The following DYNC1I2 variants were observed in gnomAD, a reference collection of about 807,000 sequenced individuals.
DYNC1I2 encodes dynein cytoplasmic 1 intermediate chain 2.
Under a neutral mutation model 88.6 loss-of-function variants are expected in DYNC1I2, and 53 were observed. The ratio of observed to expected loss-of-function variants is 0.60; its 90% CI spans 0.48 to 0.75. DYNC1I2 has a LOEUF of 0.75. DYNC1I2 is among the 30% of genes least tolerant of loss of function. The pLI, the probability that DYNC1I2 is intolerant of heterozygous loss-of-function variation, is 0.00. For synonymous variants in DYNC1I2, 198 were observed against 254.6 expected (o/e 0.78, Z 2.12); for missense variants, 458 against 766.6 (o/e 0.60, Z 4.75).
chr2:171,748,901 C>G lies in DYNC1I2; in HGVS notation c.*1012C>G, dbSNP rs1689958303. Among the ~76,000 whole-genome samples, 1 of 152,136 alleles carries G rather than the reference C, an allele frequency of 6.6e-6. No individual in the cohort carries two copies. The highest frequency in any genetic ancestry group is 2.4e-5 in the African/African-American group (1 of 41,442). ...AGTCCGAAAGGTAGGTGACAAATAT[C>G]TAAGAATCAGTATTGAAATCAGTGA... On this transcript the variant is annotated 3_prime_UTR_variant, in exon 18 of 18. Transcript: ENST00000397119.
intron 7 of DYNC1I2, among the ~76,000 whole-genome samples, chr2:171,720,048 G>A (rs74920989): frequency 8.8e-6 from 1 of 113,278 alleles, no homozygotes; most frequent in Non-Finnish European, 2.0e-5. Flanking sequence ...TTTTTTTTTG[G>A]CTATTTTTTG....
At chr2:171,720,609 T>C (rs1205508048) in intron 7 of DYNC1I2, among the ~76,000 whole-genome samples, 1 of 152,096 alleles carries the variant, frequency 6.6e-6, no homozygotes, top group Non-Finnish European at 1.5e-5. Context: ...TGTCACATAC[T>C]TGTAATCCCA....
chr2:171,742,822 A>G (rs977192052), intron 15 of DYNC1I2, among the ~76,000 whole-genome samples: 16 of 152,124 alleles, frequency 1.1e-4, no homozygotes, highest in African/African-American at 3.1e-4. Context: ...CTGGCATTCT[A>G]CAACTTGGAT....
At chr2:171,734,201 G>T (rs1437923596) in intron 15 of DYNC1I2, among the ~76,000 whole-genome samples, 2 of 152,016 alleles carry the variant, frequency 1.3e-5, no homozygotes, top group African/African-American at 4.8e-5. Context: ...TACTCTCTCA[G>T]GGTGTCAGTT....
intron 3 of DYNC1I2, among the ~76,000 whole-genome samples, chr2:171,704,219 A>C (rs12185567): frequency 0.71 from 108,173 of 151,956 alleles, 38,828 homozygotes; most frequent in South Asian, 0.83. Context: ...CCTTGGAAGG[A>C]CAAGGTCTAA....
intron 15 of DYNC1I2, among the ~76,000 whole-genome samples, chr2:171,733,501 A>G (rs1025856123): frequency 8.1e-5 from 8 of 98,584 alleles, no homozygotes; most frequent in African/African-American, 2.8e-4. Flanking sequence ...CTTTTTAATA[A>G]TAGTCATTCT....
rs191837846 is a variant in DYNC1I2 at position 171,745,850 on chromosome 2, G to T, written c.1726G>T (p.Val576Leu). Reference protein sequence around the residue: ...SVEGNPALNRVRWTHSGREIA... With the variant: ...SVEGNPALNRLRWTHSGREIA... ...GGAGGGTAATCCTGCTCTTAATCGTGTGAGATGGACCCATTCTGGCAGAGA... is the reference window on the plus strand; with the variant it reads ...GGAGGGTAATCCTGCTCTTAATCGTTTGAGATGGACCCATTCTGGCAGAGA... Residue 576 changes from valine (V) to leucine (L), a missense_variant, in exon 17 of 18, where the codon GTG becomes TTG. This residue lies in a region of DYNC1I2 where 188 missense variants were observed against 300.4 expected (regional missense o/e 0.63). Transcript: ENST00000397119. 2.5e-5 allele frequency: 40 copies of T among 1,613,874 alleles called. No individual in the cohort carries two copies. The Admixed American group carries it at 5.0e-4, about 20-fold the overall frequency.
At chr2:171,742,067 G>GAA (rs71013069) in intron 15 of DYNC1I2, among the ~76,000 whole-genome samples, 3 of 130,924 alleles carry the variant, frequency 2.3e-5, no homozygotes, top group Non-Finnish European at 4.8e-5. Context: ...CGCGGTCTCA[G>GAA]AAAAAAAAAA....
At chr2:171,688,936 C>T (rs1386809478) in intron 1 of DYNC1I2, among the ~76,000 whole-genome samples, 1 of 151,976 alleles carries the variant, frequency 6.6e-6, no homozygotes, top group Non-Finnish European at 1.5e-5. Context: ...GATCATTAGG[C>T]AATAAGTCAA....
At chr2:171,745,763 G>A (rs1689734984) in intron 16 of DYNC1I2, 39 bp from the exon 17 acceptor site, 1 of 1,579,670 alleles carries the variant, frequency 6.3e-7, no homozygotes, top group Non-Finnish European at 8.6e-7. Context: ...AAATCTTGAT[G>A]AAACTTTTAA....
rs140583149 is a variant in DYNC1I2, at chr2:171,698,749, G to A, written c.226+5855G>A. On this transcript the variant is annotated intron_variant, in intron 3 of 17. Coordinates refer to ENST00000397119, the MANE Select transcript of DYNC1I2 (RefSeq NM_001378.3). ...CCGAGTGTGGTGGTGGGCGCCTGTG[G>A]TCCTAGCTACTTGGGAGGCTGAGAC... is the stretch of plus-strand genomic sequence containing the variant. 5.3e-3 allele frequency among the ~76,000 whole-genome samples: 807 copies of A among 152,100 alleles called. 5 individuals carry two copies. Among genetic ancestry groups the A allele is most frequent in the African/African-American group, 0.016 (677 of 41,486 alleles).
chr2:171,722,694 G>A lies in DYNC1I2; in HGVS notation c.512-2924G>A, dbSNP rs1379850222. On this transcript the variant is annotated intron_variant, in intron 7 of 17. Transcript: ENST00000397119. ...CATTTTTTAATCTGATGTTATTGAT[G>A]TTAGGCATTTTTGCCAAATATTTGG... Among the ~76,000 whole-genome samples, 6 of 152,120 alleles carry A rather than the reference G, an allele frequency of 3.9e-5. No homozygotes were observed. In the East Asian group the frequency reaches 9.6e-4, roughly 24 times the overall value.
At chr2:171,719,446 G>T (rs1687756339) in intron 7 of DYNC1I2, among the ~76,000 whole-genome samples, 1 of 152,168 alleles carries the variant, frequency 6.6e-6, no homozygotes, top group Non-Finnish European at 1.5e-5. Flanking sequence ...TACCCATCAC[G>T]TTAATACAGT....
intron 3 of DYNC1I2, among the ~76,000 whole-genome samples, chr2:171,702,592 A>G (rs1203395960): frequency 1.3e-5 from 2 of 152,208 alleles, no homozygotes; most frequent in Non-Finnish European, 2.9e-5. Context: ...GCATAGAAGT[A>G]TAAAAACACT....
At chr2:171,733,813 C>T (rs952974617) in intron 15 of DYNC1I2, among the ~76,000 whole-genome samples, 4 of 150,552 alleles carry the variant, frequency 2.7e-5, no homozygotes, top group African/African-American at 4.9e-5. Context: ...GGATCCCATT[C>T]GTCAAATTTT....
chr2:171,719,412 T>C (rs1687753265), intron 7 of DYNC1I2, among the ~76,000 whole-genome samples: 1 of 152,222 alleles, frequency 6.6e-6, no homozygotes, highest in Non-Finnish European at 1.5e-5. Context: ...ATGGAAACAC[T>C]GTGCGCTTAA....
At chr2:171,738,233 G>A (rs573715387) in intron 15 of DYNC1I2, among the ~76,000 whole-genome samples, 2 of 152,172 alleles carry the variant, frequency 1.3e-5, no homozygotes, top group African/African-American at 2.4e-5. Flanking sequence ...TCGGGAGGCT[G>A]AGGCAGGAGA....
At chr2:171,709,821 G>A (rs1280890575) in intron 5 of DYNC1I2, among the ~76,000 whole-genome samples, 5 of 152,102 alleles carry the variant, frequency 3.3e-5, no homozygotes, top group South Asian at 4.2e-4. Context: ...ACGTTCAAGC[G>A]ATTCTCCTGC....
At chr2:171,693,161 T>G (rs1685516977) in intron 3 of DYNC1I2, 4 of 383,828 alleles carry the variant, frequency 1.0e-5, no homozygotes, top group Non-Finnish European at 1.9e-5. Context: ...TCAACAAACA[T>G]TGGTTAAGCA....
Sources: gnomAD v4.1 joint callset for allele counts (sites outside exome capture counted in the v4.1 genomes callset) on GRCh38, gnomAD v4.1.1 for gene constraint, gnomAD v4.1.1 regional missense constraint, MANE v1.5 for transcripts, NCBI Gene and HGNC (gene_info 2026-07-23, HGNC 2026-07-21) for gene names.